SEL1L: variants seen among roughly 807,000 people sequenced by gnomAD.
SEL1L encodes SEL1L adaptor subunit of SYVN1 ubiquitin ligase.
A neutral mutation model predicts 109.8 loss-of-function variants in SEL1L; 52 were observed. The ratio of observed to expected loss-of-function variants is 0.47; its 90% CI spans 0.38 to 0.60. SEL1L has a LOEUF of 0.60. SEL1L is among the 20% of genes least tolerant of loss of function. The pLI is 0.00. For missense variants in SEL1L, 749 were observed against 962.2 expected (o/e 0.78, Z 2.93); for synonymous variants, 373 against 339.6 (o/e 1.10, Z -1.08).
At chr14:81,502,674 T>G in intron 6 of SEL1L, 47 bp downstream of exon 6, 2 of 1,573,038 alleles carry the variant, frequency 1.3e-6, no homozygotes, top group Non-Finnish European at 1.7e-6. Flanking sequence ...CTTTTAAAAC[T>G]AACAAGTGTT....
At chr14:81,503,432 C>T (rs1458351212) in intron 5 of SEL1L, among the ~76,000 whole-genome samples, 1 of 151,924 alleles carries the variant, frequency 6.6e-6, no homozygotes, top group East Asian at 1.9e-4. Flanking sequence ...CTCTACCTTC[C>T]AAGTTCAAGT....
chr14:81,492,488 A>G lies in SEL1L; in HGVS notation c.1246T>C (p.Leu416=). The G allele has an allele frequency of 6.2e-7, 1 of 1,612,110 alleles. No individual in the cohort carries two copies. Among genetic ancestry groups the G allele is most frequent in the Non-Finnish European group, 8.5e-7 (1 of 1,178,608 alleles). Residue 416 remains leucine, a synonymous_variant, in exon 12 of 21, where the codon TTG becomes CTG. Transcript: ENST00000336735. ...NAGNSHAMAF[L]GKMYSEGSDI... The stretch of plus-strand genomic sequence containing the variant: ...CACAGGATGTACAGTACCTTTCCCA[A>G]AAAGGCCATGGCATGTGAATTGCCA...
chr14:81,526,765 T>G lies in SEL1L; in HGVS notation c.308A>C (p.Asp103Ala), dbSNP rs770220301. The part of the protein sequence containing the change: ...FLESPNPENK[D>A]YEEPKKVRKP... ...CCGTACTTTCTTTGGCTCTTCATAG[T>G]CCTTGTTTTCTGGATTTGGAGACTC... is the stretch of plus-strand genomic sequence containing the variant. The change falls in exon 3 of 21, where the codon GAC (aspartate) becomes GCC (alanine). Residue 103 changes from aspartate (D) to alanine (A), a missense_variant. Coordinates refer to ENST00000336735, the MANE Select transcript of SEL1L (RefSeq NM_005065.6). 6.2e-7 allele frequency: 1 copy of G among 1,609,854 alleles called. No individual in the cohort carries two copies. Among genetic ancestry groups the G allele is most frequent in the Non-Finnish European group, 8.5e-7 (1 of 1,178,948 alleles).
chr14:81,484,631 T>C (rs903471461), intron 18 of SEL1L: 1 of 394,598 alleles, frequency 2.5e-6, no homozygotes, highest in Non-Finnish European at 4.7e-6. Context: ...ACCAAGTTGG[T>C]GTGTGTGTAG....
At chr14:81,500,386 C>T (rs117130084) in intron 6 of SEL1L, among the ~76,000 whole-genome samples, 4,256 of 152,042 alleles carry the variant, frequency 0.028, 336 homozygotes, top group East Asian at 0.2. Flanking sequence ...GGTGCCGCCA[C>T]CATGCCCAGC....
rs1885142386 is a variant in SEL1L at position 81,527,089 on chromosome 14, A to C, written c.109-125T>G. On this transcript the variant is annotated intron_variant, in intron 2 of 20. Coordinates refer to ENST00000336735, the MANE Select transcript of SEL1L (RefSeq NM_005065.6). ...GCTCCTTGAAGTGCCACACTCACTCATCTCTATAGGCTTTGGCATGTGTCC... is the reference window on the plus strand; with the variant it reads ...GCTCCTTGAAGTGCCACACTCACTCCTCTCTATAGGCTTTGGCATGTGTCC... The C allele has an allele frequency of 5.7e-6, 4 of 704,926 alleles. No individual in the cohort carries two copies. The East Asian group carries it at 1.1e-4, about 19-fold the overall frequency. 43.7% of individuals were successfully genotyped at this position (704,926 alleles called of 1,614,324 possible). A position where few individuals can be genotyped will look rare whatever the true frequency, so the allele number is the denominator to read the frequency against.
chr14:81,528,285 A>C (rs1433437243), intron 1 of SEL1L, among the ~76,000 whole-genome samples: 7 of 152,142 alleles, frequency 4.6e-5, no homozygotes, highest in Admixed American at 1.3e-4. Flanking sequence ...TTTGTGTTCT[A>C]CTCTACTCAG....
At chr14:81,492,685 C>A in intron 11 of SEL1L, 137 bp from the exon 12 acceptor site, 1 of 579,126 alleles carries the variant, frequency 1.7e-6, no homozygotes, top group Non-Finnish European at 3.1e-6. Flanking sequence ...TACCCAGTTG[C>A]CAATATTTTG....
intron 3 of SEL1L, among the ~76,000 whole-genome samples, chr14:81,520,999 A>G (rs1487380134): frequency 6.6e-6 from 1 of 152,180 alleles, no homozygotes. Context: ...TGGCAGTCAC[A>G]GACTTCTCTA....
At chr14:81,485,610 G>T in intron 18 of SEL1L, 62 bp downstream of exon 18, 1 of 1,351,462 alleles carries the variant, frequency 7.4e-7, no homozygotes. Flanking sequence ...TAATGTTCAT[G>T]GGAGATAAAC....
At chr14:81,518,855 C>G (rs1884806169) in intron 3 of SEL1L, among the ~76,000 whole-genome samples, 1 of 152,050 alleles carries the variant, frequency 6.6e-6, no homozygotes, top group African/African-American at 2.4e-5. Context: ...ATTGGTAACT[C>G]TGCTATAAAG....
chr14:81,479,491 G>T, intron 20 of SEL1L, 121 bp downstream of exon 20: 1 of 954,630 alleles, frequency 1.0e-6, no homozygotes, highest in Non-Finnish European at 1.5e-6. Flanking sequence ...TGAGGAGAAG[G>T]GAACACACCC....
rs921553700 is a variant in SEL1L at position 81,476,189 on chromosome 14, A to G, written c.*783T>C. The G allele has an allele frequency of 6.6e-6, 1 of 152,218 alleles. No homozygotes were observed. Among genetic ancestry groups the G allele is most frequent in the Non-Finnish European group, 1.5e-5 (1 of 68,046 alleles). The allele number at this position is 152,218 out of a possible 1,614,324, so 9.4% of individuals were successfully genotyped here. On this transcript the variant is annotated 3_prime_UTR_variant, in exon 21 of 21. Transcript: ENST00000336735. ...TTCTGGATCAAGGCTCTGTATATTC[A>G]AAACAAACAAGCAAATTACAGAGTA...
At chr14:81,509,168 A>G (rs8008992) in intron 3 of SEL1L, among the ~76,000 whole-genome samples, 9,454 of 152,270 alleles carry the variant, frequency 0.062, 927 homozygotes, top group African/African-American at 0.21. Flanking sequence ...TACTGATTGG[A>G]ACTCTCTAGT....
intron 19 of SEL1L, among the ~76,000 whole-genome samples, chr14:81,481,597 TATG>T (rs1405015546): frequency 2.1e-4 from 32 of 152,334 alleles, no homozygotes; most frequent in African/African-American, 5.5e-4. Context: ...TATCAAATAA[TATG>T]ATGATTTTTT....
intron 3 of SEL1L, among the ~76,000 whole-genome samples, chr14:81,520,648 T>C (rs544449063): frequency 9.9e-5 from 15 of 152,262 alleles, no homozygotes; most frequent in African/African-American, 3.6e-4. Flanking sequence ...CCAAGCATCA[T>C]CAAATCACCT....
intron 6 of SEL1L, among the ~76,000 whole-genome samples, chr14:81,500,503 T>C (rs1161698058): frequency 1.3e-5 from 2 of 151,712 alleles, no homozygotes; most frequent in East Asian, 3.9e-4. Context: ...CCCAAAGTAC[T>C]GGGATTACAG....
chr14:81,512,986 C>T (rs928623946), intron 3 of SEL1L, among the ~76,000 whole-genome samples: 1 of 152,216 alleles, frequency 6.6e-6, no homozygotes, highest in Non-Finnish European at 1.5e-5. Flanking sequence ...GTGAAGCCAG[C>T]TGGGCTTCTG....
chr14:81,493,521 T>G (rs914636936), intron 11 of SEL1L, among the ~76,000 whole-genome samples: 6 of 151,464 alleles, frequency 4.0e-5, no homozygotes, highest in African/African-American at 1.5e-4. Context: ...AATAAATAAA[T>G]AAATAAATAA....
Sources: allele counts gnomAD v4.1 joint callset (sites outside exome capture counted in the v4.1 genomes callset), GRCh38; gene constraint gnomAD v4.1.1; transcripts MANE v1.5; gene names NCBI Gene and HGNC (gene_info 2026-07-23, HGNC 2026-07-21).